Variants in TMEFF2 observed in about 807,000 individuals in gnomAD.
TMEFF2 encodes the protein tomoregulin-2.
A neutral mutation model predicts 53.8 loss-of-function variants in TMEFF2; 28 were observed. The ratio of observed to expected loss-of-function variants is 0.52; its 90% CI spans 0.39 to 0.71. The LOEUF is 0.71. Ranked by LOEUF, TMEFF2 falls within the 30% of genes least tolerant of loss-of-function variation. The probability of loss-of-function intolerance (pLI) is 0.00; values close to 1 mark genes in which losing one functional copy is unlikely to be tolerated. For missense variants in TMEFF2, 353 were observed against 455.2 expected (o/e 0.78, Z 2.04); for synonymous variants, 162 against 166.3 (o/e 0.97, Z 0.20).
intron 2 of TMEFF2, among the ~76,000 whole-genome samples, chr2:192,190,262 T>C (rs1388863593): frequency 6.6e-6 from 1 of 152,150 alleles, no homozygotes; most frequent in East Asian, 1.9e-4. Flanking sequence ...ATTTCAGGAA[T>C]GTTTTTCCTG....
At chr2:192,155,244 T>C (rs190506682) in intron 4 of TMEFF2, among the ~76,000 whole-genome samples, 2 of 152,028 alleles carry the variant, frequency 1.3e-5, no homozygotes, top group Admixed American at 1.3e-4. Context: ...TTGGGAGAAA[T>C]AATTTAGTTT....
chr2:191,954,344 G>A (rs1355650670), intron 8 of TMEFF2, among the ~76,000 whole-genome samples: 1 of 151,658 alleles, frequency 6.6e-6, no homozygotes, highest in Non-Finnish European at 1.5e-5. Flanking sequence ...CAGATATGTG[G>A]TTTCCTTTTA....
chr2:192,126,555 A>T (rs1314825921), intron 4 of TMEFF2, among the ~76,000 whole-genome samples: 1 of 152,234 alleles, frequency 6.6e-6, no homozygotes, highest in African/African-American at 2.4e-5. Flanking sequence ...TGTATTTTTT[A>T]GGTTTCATGT....
intron 7 of TMEFF2, among the ~76,000 whole-genome samples, chr2:191,972,004 G>A (rs1424023157): frequency 6.6e-6 from 1 of 152,130 alleles, no homozygotes; most frequent in Admixed American, 6.5e-5. Context: ...ACAAATGCAG[G>A]AAAGAGGTGT....
intron 7 of TMEFF2, among the ~76,000 whole-genome samples, chr2:191,969,210 G>A (rs1031724312): frequency 2.0e-5 from 3 of 151,742 alleles, no homozygotes; most frequent in African/African-American, 7.3e-5. Flanking sequence ...GACACAAAGT[G>A]TTCAATATAT....
intron 7 of TMEFF2, among the ~76,000 whole-genome samples, chr2:191,985,244 A>G (rs1396493605): frequency 6.6e-6 from 1 of 152,178 alleles, no homozygotes; most frequent in Non-Finnish European, 1.5e-5. Context: ...AGATTCTCAG[A>G]GAAGTTATAT....
At chr2:192,186,067 T>A (rs565009898) in intron 2 of TMEFF2, among the ~76,000 whole-genome samples, 4 of 152,138 alleles carry the variant, frequency 2.6e-5, no homozygotes, top group African/African-American at 4.8e-5. Flanking sequence ...GTCCTCTATA[T>A]AGTAATTCTT....
intron 7 of TMEFF2, among the ~76,000 whole-genome samples, chr2:191,984,565 A>C (rs1462240816): frequency 1.3e-5 from 2 of 152,202 alleles, no homozygotes; most frequent in Non-Finnish European, 2.9e-5. Context: ...TAAACTCATA[A>C]ATTTAATGGG....
rs576606832 is a variant in TMEFF2, at chr2:192,032,268, C to T, written c.536+25411G>A. The T allele has an allele frequency of 2.6e-5, 4 of 152,284 alleles. No homozygotes were observed. The South Asian group carries it at 8.3e-4, about 32-fold the overall frequency. The allele number at this position is 152,284 out of a possible 1,614,324, so 9.4% of individuals were successfully genotyped here. ...CAAGAAAATGACTACATACTTATTT[C>T]ATTTAAAACAGACTCAGCCTAGTGA... On this transcript the variant is annotated intron_variant, in intron 5 of 9. Coordinates refer to ENST00000272771, the MANE Select transcript of TMEFF2 (RefSeq NM_016192.4).
chr2:192,117,342 C>G (rs181477659), intron 4 of TMEFF2, among the ~76,000 whole-genome samples: 1 of 152,164 alleles, frequency 6.6e-6, no homozygotes, highest in East Asian at 1.9e-4. Context: ...CTGTTATGTG[C>G]TCACATAAAT....
intron 7 of TMEFF2, among the ~76,000 whole-genome samples, chr2:191,979,216 A>G (rs1231068752): frequency 6.6e-6 from 1 of 152,204 alleles, no homozygotes; most frequent in South Asian, 2.1e-4. Flanking sequence ...CACCTGAAAA[A>G]CAATTCTGGC....
At chr2:192,081,111 A>G (rs1688542270) in intron 4 of TMEFF2, among the ~76,000 whole-genome samples, 1 of 152,220 alleles carries the variant, frequency 6.6e-6, no homozygotes, top group Non-Finnish European at 1.5e-5. Context: ...ATGCAATACT[A>G]GGGACTATCC....
rs560978447 is a variant in TMEFF2, at chr2:192,044,723, G to A, written c.536+12956C>T. ...GCCCCCTATTGGTGAATCACAGTGCGGATCCTTAGGATTTTGGAACAAAGC... is the reference window on the plus strand; with the variant it reads ...GCCCCCTATTGGTGAATCACAGTGCAGATCCTTAGGATTTTGGAACAAAGC... On this transcript the variant is annotated intron_variant, in intron 5 of 9. Transcript: ENST00000272771. Among the ~76,000 whole-genome samples the A allele has an allele frequency of 3.3e-5, 5 of 152,206 alleles. No individual in the cohort carries two copies. The East Asian group carries it at 9.6e-4, about 29-fold the overall frequency.
chr2:192,071,314 T>G (rs1688288621), intron 4 of TMEFF2, among the ~76,000 whole-genome samples: 1 of 151,818 alleles, frequency 6.6e-6, no homozygotes, highest in South Asian at 2.1e-4. Context: ...GATCCTTGGT[T>G]TTCTTAAGCC....
chr2:192,115,840 G>A (rs1689391354), intron 4 of TMEFF2, among the ~76,000 whole-genome samples: 1 of 151,952 alleles, frequency 6.6e-6, no homozygotes, highest in Non-Finnish European at 1.5e-5. Flanking sequence ...AAAGATAAGT[G>A]TTGCCAGGGA....
chr2:192,185,841 G>A (rs1336883255), intron 2 of TMEFF2, among the ~76,000 whole-genome samples: 3 of 151,906 alleles, frequency 2.0e-5, no homozygotes, highest in Non-Finnish European at 4.4e-5. Flanking sequence ...TCTTTGAAAT[G>A]AAAGCCTAAT....
At chr2:192,081,461 C>T (rs73982383) in intron 4 of TMEFF2, among the ~76,000 whole-genome samples, 2,760 of 152,198 alleles carry the variant, frequency 0.018, 86 homozygotes, top group African/African-American at 0.062. Flanking sequence ...AGCCTGATGA[C>T]GTGCTAATTT....
intron 4 of TMEFF2, among the ~76,000 whole-genome samples, chr2:192,173,371 T>A (rs1690962013): frequency 6.6e-6 from 1 of 151,846 alleles, no homozygotes; most frequent in Non-Finnish European, 1.5e-5. Context: ...ACATAGGGAT[T>A]CTTATAGATT....
chr2:192,072,158 G>A lies in TMEFF2; in HGVS notation c.440-14383C>T, dbSNP rs557801597. 4.6e-5 allele frequency among the ~76,000 whole-genome samples: 7 copies of A among 152,036 alleles called. No homozygotes were observed. In the East Asian group the frequency reaches 5.8e-4, roughly 13 times the overall value. On this transcript the variant is annotated intron_variant, in intron 4 of 9. Coordinates refer to ENST00000272771, the MANE Select transcript of TMEFF2 (RefSeq NM_016192.4). ...GGTGTTGCTCTCTAGCAGAGCAGAA[G>A]ATAGGAAGAAACTGTTGGAACATTT...
Sources: allele counts gnomAD v4.1 joint callset (sites outside exome capture counted in the v4.1 genomes callset), GRCh38; gene constraint gnomAD v4.1.1; transcripts MANE v1.5; gene names NCBI Gene and HGNC (gene_info 2026-07-23, HGNC 2026-07-21).